PINX1: variants seen among roughly 807,000 people sequenced by gnomAD.
PINX1 encodes PIN2 (TERF1) interacting telomerase inhibitor 1.
PINX1 carries 34 observed loss-of-function variants against 25.4 expected under a neutral mutation model. The ratio of observed to expected loss-of-function variants is 1.34; its 90% CI spans 1.02 to 1.78. PINX1 has a LOEUF of 1.78. Ranked by LOEUF, PINX1 falls within the 40% of genes most tolerant of loss-of-function variation. The pLI is 0.00. For synonymous variants in PINX1, 197 were observed against 147.7 expected (o/e 1.33, Z -2.42); for missense variants, 592 against 404.9 (o/e 1.46, Z -3.97).
intron 6 of PINX1, among the ~76,000 whole-genome samples, chr8:10,793,940 C>T (rs997642825): frequency 3.9e-5 from 6 of 152,032 alleles, no homozygotes; most frequent in South Asian, 2.1e-4. Flanking sequence ...TTCAAAGAGG[C>T]GACAAAATAA....
At chr8:10,803,118 C>CA (rs374134564) in intron 6 of PINX1, among the ~76,000 whole-genome samples, 11 of 151,912 alleles carry the variant, frequency 7.2e-5, no homozygotes, top group Non-Finnish European at 1.5e-4. Flanking sequence ...TTCAAATATA[C>CA]AAAAAAAATT....
chr8:10,826,106 C>A (rs1798028939), intron 5 of PINX1, 46 bp downstream of exon 5: 1 of 1,093,652 alleles, frequency 9.1e-7, no homozygotes. Flanking sequence ...CAACTCAGGA[C>A]AAACACGTAG....
intron 6 of PINX1, among the ~76,000 whole-genome samples, chr8:10,814,393 C>T (rs554470060): frequency 1.3e-5 from 2 of 152,128 alleles, no homozygotes; most frequent in African/African-American, 2.4e-5. Flanking sequence ...GGAGGAAATA[C>T]GAAGCACCAA....
intron 6 of PINX1, among the ~76,000 whole-genome samples, chr8:10,793,811 G>C (rs990547641): frequency 4.6e-5 from 7 of 152,146 alleles, no homozygotes; most frequent in African/African-American, 1.7e-4. Context: ...TAATGCTGTT[G>C]TAACAAATCA....
chr8:10,784,081 C>T (rs1586147971), intron 6 of PINX1, among the ~76,000 whole-genome samples: 1 of 152,248 alleles, frequency 6.6e-6, no homozygotes, highest in South Asian at 2.1e-4. Context: ...ATGTGTCATG[C>T]ATCATGATTA....
intron 6 of PINX1, among the ~76,000 whole-genome samples, chr8:10,804,647 G>A (rs1802380016): frequency 6.6e-6 from 1 of 151,968 alleles, no homozygotes; most frequent in South Asian, 2.1e-4. Flanking sequence ...TTACAATTTA[G>A]GGGTCATAAT....
intron 1 of PINX1, among the ~76,000 whole-genome samples, chr8:10,836,182 G>GC (rs1798401086): frequency 6.6e-6 from 1 of 151,952 alleles, no homozygotes; most frequent in East Asian, 1.9e-4. Flanking sequence ...CCATAACTAT[G>GC]CACACTCCAG....
chr8:10,778,123 T>C (rs1801452409), intron 6 of PINX1, among the ~76,000 whole-genome samples: 1 of 152,030 alleles, frequency 6.6e-6, no homozygotes, highest in African/African-American at 2.4e-5. Flanking sequence ...CTTTGGGGGC[T>C]GGGTTAGGGA....
In PINX1 at chr8:10,765,225, T is replaced by C. The variant is rs1461137399; in HGVS notation, c.*176A>G. 2 of 584,340 alleles carry C rather than the reference T, an allele frequency of 3.4e-6. No individual in the cohort carries two copies. Among genetic ancestry groups the C allele is most frequent in the Non-Finnish European group, 5.8e-6 (2 of 341,954 alleles). 36.2% of individuals were successfully genotyped at this position (584,340 alleles called of 1,614,324 possible). A position where few individuals can be genotyped will look rare whatever the true frequency, so the allele number is the denominator to read the frequency against. On this transcript the variant is annotated 3_prime_UTR_variant, in exon 7 of 7. Coordinates refer to ENST00000314787, the MANE Select transcript of PINX1 (RefSeq NM_017884.6). Reference sequence around the variant, plus strand: ...ATTGAGAACATTAAAAAGGTCCTCCTGGGAATGTAACTTGGGGGAAATGTG... The same window carrying C: ...ATTGAGAACATTAAAAAGGTCCTCCCGGGAATGTAACTTGGGGGAAATGTG...
At chr8:10,821,222 G>A (rs1264647484) in intron 5 of PINX1, among the ~76,000 whole-genome samples, 1 of 152,218 alleles carries the variant, frequency 6.6e-6, no homozygotes, top group African/African-American at 2.4e-5. Context: ...TTGGTTTCCT[G>A]TAGCACACTG....
chr8:10,796,770 T>C (rs1466012608), intron 6 of PINX1, among the ~76,000 whole-genome samples: 1 of 151,462 alleles, frequency 6.6e-6, no homozygotes, highest in African/African-American at 2.4e-5. Flanking sequence ...AAAGTAACAT[T>C]AAGTTTTAGA....
intron 6 of PINX1, among the ~76,000 whole-genome samples, chr8:10,812,599 C>A (rs1280719647): frequency 6.6e-6 from 1 of 152,192 alleles, no homozygotes; most frequent in Non-Finnish European, 1.5e-5. Flanking sequence ...CAAACTGTCA[C>A]CCTGATAACC....
In PINX1 at chr8:10,765,609, T is replaced by C; in HGVS notation, c.779A>G (p.Gln260Arg). The change falls in exon 7 of 7, where the codon CAG becomes CGG. Residue 260 changes from glutamine (Q) to arginine (R), a missense_variant. Gln to Arg is a conservative substitution (Grantham distance 43). Transcript: ENST00000314787. ...CTGGTCCCAGCAGGGGCCTCTGAGC[T>C]GCTCTTCTGCTGGCGCGCTCTTCTT... ...AKKKSAPAEE[Q>R]LRGPCWDQSS... 6.2e-7 allele frequency: 1 copy of C among 1,613,854 alleles called. No individual in the cohort carries two copies. Among genetic ancestry groups the C allele is most frequent in the Non-Finnish European group, 8.5e-7 (1 of 1,179,866 alleles).
At chr8:10,790,547 C>A (rs1051710776) in intron 6 of PINX1, among the ~76,000 whole-genome samples, 3 of 152,118 alleles carry the variant, frequency 2.0e-5, no homozygotes, top group Non-Finnish European at 4.4e-5. Flanking sequence ...GCTGTCGGAG[C>A]CTCAACTGGT....
intron 6 of PINX1, among the ~76,000 whole-genome samples, chr8:10,767,018 T>G (rs181999838): frequency 1.3e-5 from 2 of 152,076 alleles, no homozygotes; most frequent in Non-Finnish European, 2.9e-5. Flanking sequence ...TGGAAATAAG[T>G]CATTAAGCAA....
chr8:10,770,981 A>C (rs1563200708), intron 6 of PINX1, among the ~76,000 whole-genome samples: 2 of 152,204 alleles, frequency 1.3e-5, no homozygotes, highest in Admixed American at 6.5e-5. Flanking sequence ...GTATTTAGCA[A>C]CTGGGGTTGT....
chr8:10,796,558 C>A (rs1327195422), intron 6 of PINX1, among the ~76,000 whole-genome samples: 1 of 152,092 alleles, frequency 6.6e-6, no homozygotes, highest in African/African-American at 2.4e-5. Context: ...TAGTTCTATT[C>A]TGATAATAGA....
chr8:10,826,240 G>C lies in PINX1; in HGVS notation c.306C>G (p.Ser102=). 2 of 1,548,620 alleles carry C rather than the reference G, an allele frequency of 1.3e-6. No individual in the cohort carries two copies. The highest frequency in any genetic ancestry group is 8.8e-7 in the Non-Finnish European group (1 of 1,130,280). ...AAGATTTCTTTTCCTTCTTGTCCGA[G>C]GAATCTTTAAAAAAGATGAAAAAAA... ...NTCHGQETTD[S]SDKKEKKSFS... is the part of the protein sequence containing the mutation. Residue 102 remains serine (S), a synonymous_variant, in exon 5 of 7, where the codon TCC becomes TCG. Transcript: ENST00000314787.
At chr8:10,798,048 C>T (rs141126018) in intron 6 of PINX1, among the ~76,000 whole-genome samples, 1 of 152,340 alleles carries the variant, frequency 6.6e-6, no homozygotes, top group Non-Finnish European at 1.5e-5. Context: ...GTAACAGCTA[C>T]ACTAGAAGTG....
Sources: gnomAD v4.1 joint callset for allele counts (sites outside exome capture counted in the v4.1 genomes callset) on GRCh38, gnomAD v4.1.1 for gene constraint, MANE v1.5 for transcripts, NCBI Gene and HGNC (gene_info 2026-07-23, HGNC 2026-07-21) for gene names.